The following MTMR9 variants were observed in gnomAD, a reference collection of about 807,000 sequenced individuals.
MTMR9 encodes the protein myotubularin related protein 9.
A neutral mutation model predicts 69.5 loss-of-function variants in MTMR9; 39 were observed. That is an observed-to-expected ratio of 0.56 (90% CI 0.43 to 0.73). MTMR9 has a LOEUF of 0.73. MTMR9 is among the 30% of genes least tolerant of loss of function. The pLI, the probability that MTMR9 is intolerant of heterozygous loss-of-function variation, is 0.00. For synonymous variants in MTMR9, 354 were observed against 240.8 expected, an observed-to-expected ratio of 1.47 and a Z score of -4.35; for missense variants, 900 against 671.2, an observed-to-expected ratio of 1.34 and a Z score of -3.77.
intron 6 of MTMR9, 143 bp from the exon 7 acceptor site, chr8:11,314,780 G>T: frequency 1.5e-6 from 1 of 660,824 alleles, no homozygotes. Flanking sequence ...CTACAAGTCA[G>T]AGCAGAATGT....
downstream of MTMR9, chr8:11,331,814 AG>A (rs767493209): frequency 2.4e-5 from 39 of 1,611,762 alleles, no homozygotes; most frequent in Non-Finnish European, 3.0e-5. Flanking sequence ...GCTGTGTGCC[AG>A]GCCTCTTTGT....
At chr8:11,293,032 C>T (rs1160172644) in intron 1 of MTMR9, among the ~76,000 whole-genome samples, 1 of 152,200 alleles carries the variant, frequency 6.6e-6, no homozygotes, top group East Asian at 1.9e-4. Flanking sequence ...AAAACAGCCT[C>T]AGGCAAGTCC....
rs928020188 is a variant in MTMR9, at chr8:11,326,269, C to T, written c.*3481C>T. Reference sequence around the variant, plus strand: ...TCATCAGGTTCACTTATTATCCGACCTTAATCTGGGATAAAGGTTTTGGTA... The same window carrying T: ...TCATCAGGTTCACTTATTATCCGACTTTAATCTGGGATAAAGGTTTTGGTA... On this transcript the variant is annotated 3_prime_UTR_variant, in exon 10 of 10. Transcript: ENST00000221086. 2 of 152,066 alleles carry T rather than the reference C, an allele frequency of 1.3e-5. No individual in the cohort carries two copies. The highest frequency in any genetic ancestry group is 2.9e-5 in the Non-Finnish European group (2 of 68,030). 9.4% of individuals were successfully genotyped at this position (152,066 alleles called of 1,614,324 possible).
chr8:11,311,344 G>C (rs1800190084), intron 6 of MTMR9, among the ~76,000 whole-genome samples: 1 of 152,138 alleles, frequency 6.6e-6, no homozygotes, highest in African/African-American at 2.4e-5. Flanking sequence ...CCAACTATAG[G>C]ATTAAGTAAA....
At chr8:11,331,666 T>A, downstream of MTMR9, 2 of 1,612,150 alleles carry the variant, frequency 1.2e-6, no homozygotes, top group Non-Finnish European at 1.7e-6. Context: ...ACCACAGGTG[T>A]CTACACCACC....
downstream of MTMR9, among the ~76,000 whole-genome samples, chr8:11,328,431 C>T (rs971817883): frequency 6.6e-6 from 1 of 151,606 alleles, no homozygotes; most frequent in Non-Finnish European, 1.5e-5. Context: ...GTGACCCTGT[C>T]TTCTAAATAC....
rs542047745 is a variant in MTMR9, at chr8:11,310,623, C to G, written c.971+935C>G. Among the ~76,000 whole-genome samples, 3 of 152,168 alleles carry G rather than the reference C, an allele frequency of 2.0e-5. No individual in the cohort carries two copies. The South Asian group carries it at 6.2e-4, about 32-fold the overall frequency. ...TTAGGCGTTAGGTGAAGCCCATTTA[C>G]CTAATAAACTGTGGGAATTAAAGAC... On this transcript the variant is annotated intron_variant, in intron 6 of 9. Transcript: ENST00000221086.
chr8:11,335,588 T>C, the MTMR9 span, among the ~76,000 whole-genome samples: 36 of 152,192 alleles, frequency 2.4e-4, no homozygotes, highest in Non-Finnish European at 4.9e-4. Context: ...AAACCCATAA[T>C]AGCCAACACA....
intron 6 of MTMR9, 108 bp from the exon 7 acceptor site, chr8:11,314,815 G>C (rs1478817178): frequency 9.6e-7 from 1 of 1,036,326 alleles, no homozygotes; most frequent in East Asian, 2.4e-5. Flanking sequence ...TAAATAAACT[G>C]AACTCAGTAG....
At chr8:11,314,571 A>G (rs1287214813) in intron 6 of MTMR9, among the ~76,000 whole-genome samples, 1 of 152,216 alleles carries the variant, frequency 6.6e-6, no homozygotes, top group Non-Finnish European at 1.5e-5. Flanking sequence ...TTAAAGCAGA[A>G]AGGGTAAATG....
intron 1 of MTMR9, among the ~76,000 whole-genome samples, chr8:11,288,290 TATA>T (rs1038520585): frequency 2.1e-5 from 3 of 139,906 alleles, no homozygotes; most frequent in Non-Finnish European, 4.6e-5. Context: ...TAATATAGCA[TATA>T]ATATATATTA....
downstream of MTMR9, chr8:11,332,215 T>C: frequency 6.7e-7 from 1 of 1,494,742 alleles, no homozygotes; most frequent in Non-Finnish European, 8.9e-7. Context: ...AAAAAATAAT[T>C]ATAATAAATC....
rs1216965447 is a variant in MTMR9 at position 11,300,075 on chromosome 8, C to T, written c.344C>T (p.Pro115Leu). The T allele has an allele frequency of 1.2e-6, 2 of 1,613,566 alleles. No homozygotes were observed. Among genetic ancestry groups the T allele is most frequent in the Admixed American group, 1.7e-5 (1 of 60,004 alleles). The change falls in exon 3 of 10, where the codon CCT becomes CTT. Residue 115 changes from proline (P) to leucine (L), a missense_variant. By Grantham distance (98) the Pro-to-Leu change is moderately conservative. Transcript: ENST00000221086. ...ITLMYPFFYR[P>L]MFEVIEDGWH... Reference sequence around the variant, plus strand: ...CTGATGTACCCTTTCTTTTACCGTCCTATGTTTGAAGTGATAGAAGATGGC... The same window carrying T: ...CTGATGTACCCTTTCTTTTACCGTCTTATGTTTGAAGTGATAGAAGATGGC...
chr8:11,310,209 A>G (rs1457024255), intron 6 of MTMR9, among the ~76,000 whole-genome samples: 1 of 152,206 alleles, frequency 6.6e-6, no homozygotes, highest in Non-Finnish European at 1.5e-5. Flanking sequence ...GATGTTGAGT[A>G]TATGAAGTGA....
intron 2 of MTMR9, among the ~76,000 whole-genome samples, 194 bp downstream of exon 2, chr8:11,295,496 G>A (rs1214280051): frequency 1.6e-5 from 2 of 127,988 alleles, no homozygotes; most frequent in Non-Finnish European, 3.6e-5. Context: ...AGTGTCTGGT[G>A]TTACTCACGT....
chr8:11,318,103 T>TG (rs1800505572), intron 8 of MTMR9: 2 of 152,186 alleles, frequency 1.3e-5, no homozygotes, highest in Admixed American at 6.5e-5. Flanking sequence ...ATTTAAGAAA[T>TG]GTGTTTGATG....
chr8:11,319,866 T>C (rs1162286176), intron 9 of MTMR9, 28 bp downstream of exon 9: 1 of 1,612,560 alleles, frequency 6.2e-7, no homozygotes, highest in Admixed American at 1.7e-5. Flanking sequence ...TGCAAACTTC[T>C]TAACGGTCAG....
At chr8:11,311,220 G>C in intron 6 of MTMR9, among the ~76,000 whole-genome samples, 1 of 152,196 alleles carries the variant, frequency 6.6e-6, no homozygotes, top group Non-Finnish European at 1.5e-5. Context: ...CTAACCATAA[G>C]TGACTTCAGG....
At chr8:11,315,814 T>C (rs1005745958) in intron 7 of MTMR9, 3 of 152,300 alleles carry the variant, frequency 2.0e-5, no homozygotes, top group Non-Finnish European at 4.4e-5. Context: ...TATTGAGCTA[T>C]ATTCCTCATG....
Sources: gnomAD v4.1 joint callset for allele counts (sites outside exome capture counted in the v4.1 genomes callset) on GRCh38, gnomAD v4.1.1 for gene constraint, MANE v1.5 for transcripts, NCBI Gene and HGNC (gene_info 2026-07-23, HGNC 2026-07-21) for gene names.